OCLN: variants seen among roughly 807,000 people sequenced by gnomAD.
OCLN encodes phosphatase 1, regulatory subunit 115.
A neutral mutation model predicts 47.9 loss-of-function variants in OCLN; 21 were observed. The observed-to-expected ratio is 0.44, with a 90% CI of 0.31 to 0.63. OCLN has a LOEUF of 0.63. Ranked by LOEUF, OCLN falls within the 30% of genes least tolerant of loss-of-function variation. OCLN has a pLI of 0.08. For missense variants in OCLN, 360 were observed against 571.0 expected (o/e 0.63, Z 3.77); for synonymous variants, 117 against 198.4 (o/e 0.59, Z 3.45).
At chr5:69,515,937 A>G (rs563053722) in intron 4 of OCLN, among the ~76,000 whole-genome samples, 2 of 140,586 alleles carry the variant, frequency 1.4e-5, no homozygotes, top group Admixed American at 7.1e-5. Context: ...CCTAGATGGC[A>G]TGGGGGCCGG....
intron 7 of OCLN, among the ~76,000 whole-genome samples, chr5:69,548,648 A>G (rs1004419806): frequency 7.3e-5 from 11 of 150,408 alleles, no homozygotes; most frequent in Non-Finnish European, 1.0e-4. Flanking sequence ...ATGTACATCT[A>G]TCCTTTCCTA....
Position 69,515,638 on chromosome 5 carries a change from A to AC in OCLN, c.891+1536dup, listed in dbSNP as rs772123759. ...GGGCGGCTGGCCGGGCGGGGGGCTG[A>AC]CCCCCCCACCTCCCTCCCGGATGGG... On this transcript the variant is annotated intron_variant, in intron 4 of 8. Coordinates refer to ENST00000396442, the MANE Select transcript of OCLN (RefSeq NM_001205254.2). Among the ~76,000 whole-genome samples the AC allele has an allele frequency of 3.6e-3, 205 of 57,372 alleles. 1 individual carries two copies. The highest frequency in any genetic ancestry group is 5.5e-3 in the Non-Finnish European group (159 of 28,754). 37.6% of individuals were successfully genotyped at this position (57,372 alleles called of 152,430 possible).
At chr5:69,495,518 A>G (rs982499599) in intron 1 of OCLN, among the ~76,000 whole-genome samples, 1 of 152,144 alleles carries the variant, frequency 6.6e-6, no homozygotes, top group East Asian at 1.9e-4. Flanking sequence ...ACGTTTATTG[A>G]GTGTTGTGTG....
chr5:69,509,927 G>C (rs1013772668), intron 3 of OCLN, 108 bp downstream of exon 3: 9 of 856,648 alleles, frequency 1.1e-5, no homozygotes, highest in African/African-American at 6.7e-5. Flanking sequence ...TGATGACAAG[G>C]CTCCACTTCT....
chr5:69,498,748 T>G (rs1768373087), intron 1 of OCLN, among the ~76,000 whole-genome samples: 1 of 152,154 alleles, frequency 6.6e-6, no homozygotes, highest in Non-Finnish European at 1.5e-5. Flanking sequence ...GATGCAATTT[T>G]GGCCCACTGC....
intron 5 of OCLN, among the ~76,000 whole-genome samples, chr5:69,536,446 G>A (rs1397270082): frequency 8.2e-5 from 11 of 133,822 alleles, no homozygotes; most frequent in African/African-American, 2.7e-4. Flanking sequence ...CCAGGTGGAC[G>A]GATCACCTGA....
At chr5:69,547,109 T>A (rs1769731205) in intron 6 of OCLN, among the ~76,000 whole-genome samples, 1 of 151,148 alleles carries the variant, frequency 6.6e-6, no homozygotes. Context: ...TGTCTATTTT[T>A]ATTGTGAAAG....
intron 3 of OCLN, among the ~76,000 whole-genome samples, chr5:69,512,892 C>T (rs1334668748): frequency 4.6e-5 from 7 of 152,104 alleles, no homozygotes; most frequent in African/African-American, 1.7e-4. Context: ...CCTTGTTTTT[C>T]CTTTTTTCTT....
intron 4 of OCLN, among the ~76,000 whole-genome samples, chr5:69,532,860 C>T (rs984329971): frequency 4.6e-5 from 7 of 151,508 alleles, no homozygotes; most frequent in Non-Finnish European, 8.8e-5. Context: ...CCCAGCTACT[C>T]GGGAGGCTGA....
At chr5:69,515,048 C>G (rs1197688675) in intron 4 of OCLN, among the ~76,000 whole-genome samples, 1 of 152,198 alleles carries the variant, frequency 6.6e-6, no homozygotes, top group Non-Finnish European at 1.5e-5. Context: ...GGTACACCTC[C>G]CAGACGGGGT....
At chr5:69,496,102 CTTTT>C (rs375038844) in intron 1 of OCLN, among the ~76,000 whole-genome samples, 1 of 143,214 alleles carries the variant, frequency 7.0e-6, no homozygotes. Context: ...ACAACTTAAA[CTTTT>C]TTTTTTTTTT....
intron 1 of OCLN, among the ~76,000 whole-genome samples, chr5:69,498,094 T>C (rs1396651898): frequency 1.3e-5 from 2 of 151,768 alleles, no homozygotes; most frequent in East Asian, 3.9e-4. Flanking sequence ...ATCCCGCCAC[T>C]GCACTCCAGC....
At chr5:69,518,913 G>A (rs1334095587) in intron 4 of OCLN, among the ~76,000 whole-genome samples, 1 of 152,128 alleles carries the variant, frequency 6.6e-6, no homozygotes, top group Non-Finnish European at 1.5e-5. Flanking sequence ...GGCCAAGGAG[G>A]ATCACTTGAG....
rs544482169 is a variant in OCLN at position 69,492,840 on chromosome 5, G to T, written c.-129G>T. The T allele has an allele frequency of 6.6e-6, 1 of 152,524 alleles. No individual in the cohort carries two copies. The highest frequency in any genetic ancestry group is 2.4e-5 in the African/African-American group (1 of 41,468). The allele number at this position is 152,524 out of a possible 1,614,324, so 9.4% of individuals were successfully genotyped here. On this transcript the variant is annotated 5_prime_UTR_variant, in exon 1 of 9. The change creates a new upstream start codon in the 5' untranslated region. Coordinates refer to ENST00000396442, the MANE Select transcript of OCLN (RefSeq NM_001205254.2). ...GGTGCGGCGTCAGGTGCGCCCGCCAGGTGAGCGCGCTCCCTGGCACCGTTG... is the reference window on the plus strand; with the variant it reads ...GGTGCGGCGTCAGGTGCGCCCGCCATGTGAGCGCGCTCCCTGGCACCGTTG...
chr5:69,515,820 G>T (rs1345676731), intron 4 of OCLN, among the ~76,000 whole-genome samples: 2 of 151,278 alleles, frequency 1.3e-5, no homozygotes, highest in Non-Finnish European at 3.0e-5. Context: ...TCCCAGACGG[G>T]GTCGCGGCTG....
intron 1 of OCLN, among the ~76,000 whole-genome samples, chr5:69,494,658 G>A (rs895934527): frequency 8.5e-5 from 13 of 152,228 alleles, no homozygotes; most frequent in African/African-American, 3.1e-4. Flanking sequence ...AGATCGGTAA[G>A]ACATGATTCT....
rs890382090 is a variant in OCLN, at chr5:69,509,181, G to A, written c.91G>A (p.Gly31Arg). Residue 31 changes from glycine (G) to arginine (R), a missense_variant, in exon 3 of 9, where the codon GGA (glycine) becomes AGA (arginine). Coordinates refer to ENST00000396442, the MANE Select transcript of OCLN (RefSeq NM_001205254.2). ...TGCACCAAGCAATGACATATATGGTGGAGAGATGCATGTTCGACCAATGCT... is the reference window on the plus strand; with the variant it reads ...TGCACCAAGCAATGACATATATGGTAGAGAGATGCATGTTCGACCAATGCT... ...HYAPSNDIYG[G>R]EMHVRPMLSQ... The A allele has an allele frequency of 1.9e-6, 3 of 1,613,916 alleles. No homozygotes were observed. The African/African-American group carries it at 4.0e-5, about 22-fold the overall frequency.
intron 4 of OCLN, among the ~76,000 whole-genome samples, chr5:69,517,497 G>A (rs189977420): frequency 1.4e-4 from 21 of 151,954 alleles, no homozygotes; most frequent in Admixed American, 7.2e-4. Flanking sequence ...ATTTTTAGGA[G>A]AGATGGGGTT....
At chr5:69,528,571 A>C (rs545974778) in intron 4 of OCLN, among the ~76,000 whole-genome samples, 28 of 152,272 alleles carry the variant, frequency 1.8e-4, no homozygotes, top group African/African-American at 6.7e-4. Flanking sequence ...TGGGTACTTC[A>C]AGCCATGTTT....
Sources: allele counts gnomAD v4.1 joint callset (sites outside exome capture counted in the v4.1 genomes callset), GRCh38; gene constraint gnomAD v4.1.1; transcripts MANE v1.5; gene names NCBI Gene and HGNC (gene_info 2026-07-23, HGNC 2026-07-21).